NFASC: variants seen among roughly 807,000 people sequenced by gnomAD.
NFASC encodes the protein neurofascin homolog.
NFASC carries 43 observed loss-of-function variants against 147.5 expected under a neutral mutation model. The ratio of observed to expected loss-of-function variants is 0.29; its 90% CI spans 0.23 to 0.38. The LOEUF is 0.38. Ranked by LOEUF, NFASC falls within the 10% of genes least tolerant of loss-of-function variation. The probability of loss-of-function intolerance (pLI) is 1.00; values close to 1 mark genes in which losing one functional copy is unlikely to be tolerated. For synonymous variants in NFASC, 622 were observed against 665.5 expected (o/e 0.93, Z 1.01); for missense variants, 1,320 against 1,689.0 (o/e 0.78, Z 3.83).
intron 1 of NFASC, among the ~76,000 whole-genome samples, chr1:204,838,027 G>A (rs1183274273): frequency 6.6e-6 from 1 of 152,110 alleles, no homozygotes; most frequent in Admixed American, 6.5e-5. Context: ...AACACCTAAA[G>A]CCTCCCCAAC....
intron 1 of NFASC, among the ~76,000 whole-genome samples, chr1:204,878,392 G>A (rs1442508658): frequency 1.3e-5 from 2 of 152,094 alleles, no homozygotes; most frequent in Admixed American, 1.3e-4. Context: ...GGCAAAAACC[G>A]CAATTACTTT....
At chr1:204,877,016 A>G (rs1483190280) in intron 1 of NFASC, among the ~76,000 whole-genome samples, 1 of 109,694 alleles carries the variant, frequency 9.1e-6, no homozygotes, top group Non-Finnish European at 1.6e-5. Flanking sequence ...ATATATATAT[A>G]TATATATATA....
At position 204,975,393 on chromosome 1, in the gene NFASC, G is replaced by A. The variant is rs2095374956; in HGVS notation, c.1681G>A (p.Asp561Asn). 2 of 1,614,066 alleles carry A rather than the reference G, an allele frequency of 1.2e-6. No homozygotes were observed. Among genetic ancestry groups the A allele is most frequent in the African/African-American group, 2.7e-5 (2 of 75,044 alleles). ...ACTCACCGTCTCCTGGCTGAAGGAT[G>A]ACGAGCCGCTCTATATTGGAAACAG... The part of the protein sequence containing the change: ...LKLTVSWLKD[D>N]EPLYIGNRMK... Residue 561 changes from aspartate to asparagine, a missense_variant, in exon 15 of 30, where the codon GAC (aspartate) becomes AAC (asparagine). Around this residue, in one of 3 missense-constraint regions of NFASC, gnomAD observed 981 missense variants for 1,289.5 expected, o/e 0.76. Coordinates refer to ENST00000339876, the MANE Select transcript of NFASC (RefSeq NM_001005388.3). The surrounding 1 kb of genome is among the most constrained non-coding windows in gnomAD (Gnocchi z 4.0).
intron 27 of NFASC, among the ~76,000 whole-genome samples, chr1:205,008,001 C>T (rs183426577): frequency 1.7e-4 from 26 of 152,310 alleles, no homozygotes; most frequent in African/African-American, 5.8e-4. Context: ...CTACCTAGAT[C>T]ATGGTACTCA....
chr1:204,915,471 A>G (rs6702383), intron 1 of NFASC, among the ~76,000 whole-genome samples: 32,405 of 152,010 alleles, frequency 0.21, 3,886 homozygotes, highest in East Asian at 0.43. Flanking sequence ...ACAACAAACT[A>G]GTAACTGGTT....
intron 2 of NFASC, among the ~76,000 whole-genome samples, chr1:204,931,489 G>A (rs945897830): frequency 6.6e-6 from 1 of 152,142 alleles, no homozygotes; most frequent in Non-Finnish European, 1.5e-5. Context: ...ACAATTTCCT[G>A]TGGCAGTGAT....
chr1:204,923,385 C>G (rs902596432), intron 2 of NFASC, among the ~76,000 whole-genome samples: 10 of 152,128 alleles, frequency 6.6e-5, no homozygotes, highest in Non-Finnish European at 1.2e-4. Context: ...CGTCTCTCCC[C>G]TTCCCTCCCG....
intron 28 of NFASC, among the ~76,000 whole-genome samples, chr1:205,011,294 A>AG (rs1386279051): frequency 1.3e-5 from 2 of 151,698 alleles, no homozygotes; most frequent in African/African-American, 4.8e-5. Flanking sequence ...CCCACAGACT[A>AG]GGACTCTGAA....
At chr1:204,892,697 A>G (rs1048393057) in intron 1 of NFASC, among the ~76,000 whole-genome samples, 1 of 152,280 alleles carries the variant, frequency 6.6e-6, no homozygotes, top group Non-Finnish European at 1.5e-5. Context: ...ATTGATTAGA[A>G]GCTGATAATA....
chr1:204,948,916 G>A (rs1471239594), intron 3 of NFASC, among the ~76,000 whole-genome samples: 1 of 152,182 alleles, frequency 6.6e-6, no homozygotes, highest in African/African-American at 2.4e-5. Flanking sequence ...TCCTAAGAAT[G>A]GCCCCTTCTC....
At chr1:205,009,051 G>C (rs928879737) in intron 27 of NFASC, 1 of 209,614 alleles carries the variant, frequency 4.8e-6, no homozygotes, top group Non-Finnish European at 9.8e-6. Context: ...GGTGGGCAGG[G>C]ATGCTGCCGT....
rs59924587 is a variant in NFASC, at chr1:205,010,564, G to A, written c.3421+876G>A. 0.11 allele frequency: 16,277 copies of A among 152,208 alleles called. 1,099 individuals carry two copies. The highest frequency in any genetic ancestry group is 0.24 in the South Asian group (1,175 of 4,816). The allele number at this position is 152,208 out of a possible 1,614,324, so 9.4% of individuals were successfully genotyped here. The stretch of plus-strand genomic sequence containing the variant: ...GGCGTGATTGTGCCACTGCACTCCA[G>A]CCTGGGTGACAGAGACCCTGTCTCA... On this transcript the variant is annotated intron_variant, in intron 28 of 29. Coordinates refer to ENST00000339876, the MANE Select transcript of NFASC (RefSeq NM_001005388.3). This position sits in a 1 kb window ranked among gnomAD's most constrained non-coding sequence, Gnocchi z 4.1.
chr1:204,985,187 C>G (rs1238312251), intron 21 of NFASC, among the ~76,000 whole-genome samples: 5 of 152,224 alleles, frequency 3.3e-5, no homozygotes, highest in Non-Finnish European at 7.3e-5. Context: ...GCCAACTGAC[C>G]TGTGGCTTCT....
At chr1:204,900,877 AT>A (rs2084424957) in intron 1 of NFASC, among the ~76,000 whole-genome samples, 2 of 152,108 alleles carry the variant, frequency 1.3e-5, no homozygotes, top group Non-Finnish European at 2.9e-5. Flanking sequence ...GGGTCTTGCT[AT>A]GTTGTCCAGG....
Position 204,980,820 on chromosome 1 carries a change from G to A in NFASC, c.2247+380G>A, listed in dbSNP as rs558284979. On this transcript the variant is annotated intron_variant, in intron 20 of 29. Coordinates refer to ENST00000339876, the MANE Select transcript of NFASC (RefSeq NM_001005388.3). ...AAACCAAGTTCTGGTGTGTCCTAGG[G>A]CCCTTTCACTGGAGATTTGTGGGAG... 7.9e-5 allele frequency among the ~76,000 whole-genome samples: 12 copies of A among 152,258 alleles called. No individual in the cohort carries two copies. The South Asian group carries it at 2.5e-3, about 32-fold the overall frequency.
At chr1:204,865,193 A>G (rs955239260) in intron 1 of NFASC, among the ~76,000 whole-genome samples, 2 of 152,218 alleles carry the variant, frequency 1.3e-5, no homozygotes, top group African/African-American at 4.8e-5. Flanking sequence ...ACTGAACCCC[A>G]TATATACTAT....
At chr1:204,944,674 A>G (rs1573485788) in intron 3 of NFASC, 1 of 446,462 alleles carries the variant, frequency 2.2e-6, no homozygotes, top group African/African-American at 2.0e-5. Context: ...GAGTGGGACT[A>G]GAGGTGGCGG....
intron 27 of NFASC, 110 bp from the exon 28 acceptor site, chr1:205,009,447 C>T: frequency 1.7e-6 from 2 of 1,204,016 alleles, no homozygotes; most frequent in Non-Finnish European, 2.5e-6. Context: ...TAGTGTTAGG[C>T]TCCAGGAGAA....
At chr1:204,858,089 T>A (rs1406350655) in intron 1 of NFASC, among the ~76,000 whole-genome samples, 1 of 151,552 alleles carries the variant, frequency 6.6e-6, no homozygotes, top group Non-Finnish European at 1.5e-5. Context: ...CCAGCTAATT[T>A]TTGTATTTTT....
Sources: gnomAD v4.1 joint callset for allele counts (sites outside exome capture counted in the v4.1 genomes callset) on GRCh38, gnomAD v4.1.1 for gene constraint, gnomAD v4.1.1 regional missense constraint, Gnocchi (gnomAD v3.1) non-coding constraint, MANE v1.5 for transcripts, NCBI Gene and HGNC (gene_info 2026-07-23, HGNC 2026-07-21) for gene names.